Variants in AGBL1 observed in about 807,000 individuals in gnomAD.
AGBL1 encodes the protein AGBL carboxypeptidase 1.
AGBL1 carries 130 observed loss-of-function variants against 118.9 expected under a neutral mutation model. The observed-to-expected ratio is 1.09, with a 90% CI of 0.95 to 1.26. The LOEUF (loss-of-function observed/expected upper bound fraction) is 1.26. Among genes scored for constraint, AGBL1 ranks in the 50% most tolerant of loss-of-function variants. AGBL1 has a pLI of 0.00. For missense variants in AGBL1, 1,584 were observed against 1,298.1 expected, an observed-to-expected ratio of 1.22 and a Z score of -3.38; for synonymous variants, 555 against 478.9, an observed-to-expected ratio of 1.16 and a Z score of -2.08.
chr15:86,340,869 C>T (rs530267090), intron 17 of AGBL1, among the ~76,000 whole-genome samples: 5 of 152,290 alleles, frequency 3.3e-5, no homozygotes, highest in African/African-American at 1.2e-4. Context: ...TGGCTGCACA[C>T]TAAGCCTGCA....
intron 1 of AGBL1, among the ~76,000 whole-genome samples, chr15:86,140,666 C>G (rs1214329852): frequency 6.6e-6 from 1 of 151,974 alleles, no homozygotes; most frequent in Non-Finnish European, 1.5e-5. Context: ...CCAGACCCAG[C>G]TTGGGGGTTG....
At chr15:86,331,683 A>G (rs1468660391) in intron 17 of AGBL1, among the ~76,000 whole-genome samples, 2 of 152,238 alleles carry the variant, frequency 1.3e-5, no homozygotes, top group African/African-American at 4.8e-5. Context: ...CTAGAATTTT[A>G]TATCTGGCCA....
chr15:86,799,231 G>A (rs1476720435), intron 22 of AGBL1, among the ~76,000 whole-genome samples: 2 of 151,900 alleles, frequency 1.3e-5, no homozygotes, highest in African/African-American at 4.8e-5. Flanking sequence ...ACAATGTGCA[G>A]GTTAGTTACA....
rs2084417347 is a variant in AGBL1, at chr15:86,596,968, T to C, written c.2994+42431T>C. ...GCTCACTAGTATTGTGTACCTAAAA[T>C]ATGGACCAACATGTGACAGATATTT... On this transcript the variant is annotated intron_variant, in intron 21 of 22. Coordinates refer to ENST00000614907, the MANE Select transcript of AGBL1 (RefSeq NM_001386094.1). Among the ~76,000 whole-genome samples the C allele has an allele frequency of 2.6e-5, 4 of 152,304 alleles. 1 individual carries two copies. The South Asian group carries it at 8.3e-4, about 32-fold the overall frequency.
At chr15:86,664,890 T>G (rs955539259) in intron 21 of AGBL1, among the ~76,000 whole-genome samples, 2 of 152,104 alleles carry the variant, frequency 1.3e-5, no homozygotes, top group Non-Finnish European at 2.9e-5. Flanking sequence ...TTTTTCAGGC[T>G]TACATGCATT....
intron 5 of AGBL1, among the ~76,000 whole-genome samples, chr15:86,202,888 T>G (rs761301363): frequency 2.0e-5 from 3 of 152,004 alleles, no homozygotes; most frequent in Non-Finnish European, 4.4e-5. Context: ...TAAGATTGCA[T>G]AAGGAGGCTG....
At chr15:86,486,263 G>T (rs1231588731) in intron 18 of AGBL1, among the ~76,000 whole-genome samples, 1 of 151,948 alleles carries the variant, frequency 6.6e-6, no homozygotes, top group African/African-American at 2.4e-5. Context: ...TCGATTTCTT[G>T]GCTTACGATC....
chr15:86,403,619 C>A (rs1452140668), intron 18 of AGBL1, among the ~76,000 whole-genome samples: 2 of 152,140 alleles, frequency 1.3e-5, no homozygotes, highest in Non-Finnish European at 2.9e-5. Context: ...AAGAAAGAAG[C>A]TAGTTCCTTT....
intron 17 of AGBL1, among the ~76,000 whole-genome samples, chr15:86,315,421 T>C (rs552508604): frequency 1.5e-4 from 23 of 152,088 alleles, no homozygotes; most frequent in African/African-American, 5.1e-4. Flanking sequence ...TGGTAAAGCT[T>C]AAAAAATTCG....
At chr15:86,175,331 C>T (rs2077468979) in intron 5 of AGBL1, among the ~76,000 whole-genome samples, 1 of 151,976 alleles carries the variant, frequency 6.6e-6, no homozygotes, top group Admixed American at 6.6e-5. Flanking sequence ...TCTAATTATT[C>T]TTTGTACTTC....
At chr15:86,539,189 T>C (rs1231025805) in intron 19 of AGBL1, among the ~76,000 whole-genome samples, 1 of 152,204 alleles carries the variant, frequency 6.6e-6, no homozygotes, top group Non-Finnish European at 1.5e-5. Flanking sequence ...GGAAACTAGA[T>C]GAAACTACAC....
chr15:86,271,801 T>A, intron 15 of AGBL1, 95 bp downstream of exon 15: 4 of 1,180,734 alleles, frequency 3.4e-6, no homozygotes, highest in Non-Finnish European at 5.0e-6. Flanking sequence ...ATCAGCAATC[T>A]GTGCTTGTCT....
intron 21 of AGBL1, among the ~76,000 whole-genome samples, chr15:86,662,915 A>G (rs544295540): frequency 2.7e-5 from 4 of 147,770 alleles, no homozygotes; most frequent in Non-Finnish European, 6.0e-5. Flanking sequence ...ACATCTTCAT[A>G]TTAAAATTAT....
At chr15:86,882,121 G>A (rs551961562) in intron 22 of AGBL1, among the ~76,000 whole-genome samples, 7 of 152,122 alleles carry the variant, frequency 4.6e-5, no homozygotes, top group African/African-American at 7.2e-5. Flanking sequence ...GCAAAAATTC[G>A]CGGTCTAACA....
chr15:86,715,073 G>A (rs957075206), intron 22 of AGBL1, among the ~76,000 whole-genome samples: 9 of 152,156 alleles, frequency 5.9e-5, no homozygotes, highest in East Asian at 1.9e-4. Flanking sequence ...TGGCCCAGAC[G>A]TGGGAATGTA....
intron 22 of AGBL1, among the ~76,000 whole-genome samples, chr15:86,875,716 A>T (rs2079797169): frequency 6.6e-6 from 1 of 152,212 alleles, no homozygotes; most frequent in African/African-American, 2.4e-5. Context: ...AAAGATACAG[A>T]TTACAAAGGG....
In AGBL1 at chr15:86,497,713, C is replaced by T. The variant is rs576141886; in HGVS notation, c.2556-25097C>T. Reference sequence around the variant, plus strand: ...ACTCGGGATCTGATTGTTCCTAATGCAGACTTTCAAACAATCCTTCTGTGT... The same window carrying T: ...ACTCGGGATCTGATTGTTCCTAATGTAGACTTTCAAACAATCCTTCTGTGT... On this transcript the variant is annotated intron_variant, in intron 18 of 22. Coordinates refer to ENST00000614907, the MANE Select transcript of AGBL1 (RefSeq NM_001386094.1). Among the ~76,000 whole-genome samples the T allele has an allele frequency of 2.6e-5, 4 of 151,982 alleles. No individual in the cohort carries two copies. The South Asian group carries it at 8.3e-4, about 32-fold the overall frequency.
At chr15:87,022,232 C>T (rs1255863502) in intron 24 of AGBL1, among the ~76,000 whole-genome samples, 2 of 152,036 alleles carry the variant, frequency 1.3e-5, no homozygotes, top group African/African-American at 4.8e-5. Flanking sequence ...AGAAAACCAA[C>T]TCTGGTAATA....
At chr15:86,834,020 C>T (rs1190333436) in intron 22 of AGBL1, among the ~76,000 whole-genome samples, 1 of 152,048 alleles carries the variant, frequency 6.6e-6, no homozygotes, top group Admixed American at 6.5e-5. Flanking sequence ...CCATATTAGG[C>T]TTATGAGCCA....
Sources: gnomAD v4.1 joint callset for allele counts (sites outside exome capture counted in the v4.1 genomes callset) on GRCh38, gnomAD v4.1.1 for gene constraint, MANE v1.5 for transcripts, NCBI Gene and HGNC (gene_info 2026-07-23, HGNC 2026-07-21) for gene names.